PARP9: variants seen among roughly 807,000 people sequenced by gnomAD.
The protein encoded by PARP9 is protein mono-ADP-ribosyltransferase PARP9.
In PARP9, 48 loss-of-function variants were observed where a neutral mutation model predicts 68.8. That is an observed-to-expected ratio of 0.70 (90% CI 0.55 to 0.89). The LOEUF is 0.89. PARP9 is among the 40% of genes least tolerant of loss of function. The pLI, the probability that PARP9 is intolerant of heterozygous loss-of-function variation, is 0.00. For missense variants in PARP9, 806 were observed against 969.3 expected (o/e 0.83, Z 2.24); for synonymous variants, 309 against 333.8 (o/e 0.93, Z 0.81).
In PARP9 at chr3:122,540,857, A is replaced by G; in HGVS notation, c.1385-5T>C. 6.2e-7 allele frequency: 1 copy of G among 1,604,250 alleles called. No homozygotes were observed. The highest frequency in any genetic ancestry group is 8.5e-7 in the Non-Finnish European group (1 of 1,176,418). On this transcript the variant is annotated splice_polypyrimidine_tract_variant and splice_region_variant and intron_variant, in intron 7 of 10. Coordinates refer to ENST00000682323, the MANE Select transcript of PARP9 (RefSeq NM_001146105.2). ...CCTCTCTGGTTGACTGGGGGACTGA[A>G]ATGACTATAATAAGCAACCATGGAA...
At chr3:122,546,969 T>TATAA (rs2078752006) in intron 6 of PARP9, among the ~76,000 whole-genome samples, 4 of 12,370 alleles carry the variant, frequency 3.2e-4, no homozygotes, top group Admixed American at 7.8e-4. Flanking sequence ...TACATGGCAC[T>TATAA]ATATATATAT....
Position 122,540,453 on chromosome 3 carries a change from T to A in PARP9, c.1765+19A>T, listed in dbSNP as rs372876337. ...CAATGGGGAGAATTTACTTTCTAAT[T>A]TGATAGAAAGTTACTCACCTAACGA... On this transcript the variant is annotated intron_variant, in intron 8 of 10. Coordinates refer to ENST00000682323, the MANE Select transcript of PARP9 (RefSeq NM_001146105.2). 1.9e-6 allele frequency: 3 copies of A among 1,605,384 alleles called. No individual in the cohort carries two copies. In the African/African-American group the frequency reaches 4.0e-5, roughly 22 times the overall value.
intron 10 of PARP9, among the ~76,000 whole-genome samples, chr3:122,530,176 CAAAAAAAAAAA>C (rs11295677): frequency 1.2e-5 from 1 of 82,304 alleles, no homozygotes; most frequent in African/African-American, 4.9e-5. Context: ...GGCCCTGTCT[CAAAAAAAAAAA>C]AAAAAAAAAA....
intron 10 of PARP9, chr3:122,534,469 T>C (rs1250347509): frequency 1.0e-6 from 1 of 979,288 alleles, no homozygotes; most frequent in Non-Finnish European, 1.2e-6. Flanking sequence ...CCAGTGGCTG[T>C]TGTGTGTTTT....
At chr3:122,546,065 C>T (rs372272816) in intron 6 of PARP9, 25 of 152,312 alleles carry the variant, frequency 1.6e-4, no homozygotes, top group African/African-American at 6.0e-4. Flanking sequence ...GATCCATTAA[C>T]ATAATGTCTA....
At chr3:122,529,201 G>T (rs916585242) in intron 10 of PARP9, among the ~76,000 whole-genome samples, 1 of 133,316 alleles carries the variant, frequency 7.5e-6, no homozygotes, top group Non-Finnish European at 1.5e-5. Context: ...TCGCACCACT[G>T]CACTCCAACC....
rs143056938 is a variant in PARP9, at chr3:122,528,169, C to T, written c.*195G>A. The T allele has an allele frequency of 1.6e-3, 942 of 584,778 alleles. 8 individuals carry two copies. In the African/African-American group the frequency reaches 0.016, roughly 10 times the overall value. The allele number at this position is 584,778 out of a possible 1,614,324, so 36.2% of individuals were successfully genotyped here. On this transcript the variant is annotated 3_prime_UTR_variant, in exon 11 of 11. Transcript: ENST00000682323. ...TGAAAGTGTTTCATTTGGTATCTAC[C>T]TACCCCAACCCCAAGACATAAAGAC...
At chr3:122,544,439 A>T (rs1256586689) in intron 7 of PARP9, among the ~76,000 whole-genome samples, 1 of 152,210 alleles carries the variant, frequency 6.6e-6, no homozygotes, top group East Asian at 1.9e-4. Context: ...GGATCATAAA[A>T]GGCACAGTTC....
At chr3:122,539,563 C>CTTTCTTTCTTTCTTTCTTTTCTTTTCT in intron 8 of PARP9, among the ~76,000 whole-genome samples, 1 of 80,602 alleles carries the variant, frequency 1.2e-5, no homozygotes, top group East Asian at 4.5e-4. Flanking sequence ...TTCTTTCTTT[C>CTTTCTTTCTTTCTTTCTTTTCTTTTCT]TTTCTTTTTT....
chr3:122,531,069 T>C (rs1481276931), intron 10 of PARP9, among the ~76,000 whole-genome samples: 1 of 152,242 alleles, frequency 6.6e-6, no homozygotes, highest in Non-Finnish European at 1.5e-5. Flanking sequence ...TATTAGATAT[T>C]TTACATTCTT....
intron 7 of PARP9, among the ~76,000 whole-genome samples, chr3:122,541,228 T>C (rs1473485008): frequency 6.6e-6 from 1 of 152,184 alleles, no homozygotes; most frequent in East Asian, 1.9e-4. Flanking sequence ...CAAAACACCA[T>C]GGCCAGTGTT....
intron 7 of PARP9, among the ~76,000 whole-genome samples, chr3:122,545,183 T>C (rs1287576990): frequency 1.3e-5 from 2 of 152,218 alleles, no homozygotes; most frequent in Admixed American, 6.5e-5. Flanking sequence ...TATCTATTTA[T>C]GAATCAACCA....
Position 122,540,363 on chromosome 3 carries a change from C to T in PARP9, c.1765+109G>A, listed in dbSNP as rs145209766. ...CTAACAAAGAACCAGAATGTTTGAT[C>T]CCTCCTCTCTCCTTCTGTCTCTTAC... On this transcript the variant is annotated intron_variant, in intron 8 of 10. Transcript: ENST00000682323. The T allele has an allele frequency of 5.3e-3, 7,059 of 1,326,470 alleles. 51 individuals carry two copies. The highest frequency in any genetic ancestry group is 5.3e-3 in the Non-Finnish European group (5,193 of 984,238). The allele number at this position is 1,326,470 out of a possible 1,614,324, so 82.2% of individuals were successfully genotyped here.
intron 10 of PARP9, chr3:122,535,843 CAAA>C (rs10716375): frequency 0.032 from 29,394 of 926,422 alleles, 46 homozygotes; most frequent in African/African-American, 0.08. Context: ...ATAAGTAAGG[CAAA>C]AAAAAAAAAA....
intron 4 of PARP9, 31 bp downstream of exon 4, chr3:122,555,255 C>A (rs1184534705): frequency 6.4e-7 from 1 of 1,554,498 alleles, no homozygotes; most frequent in Admixed American, 1.9e-5. Context: ...ATCACCTGTG[C>A]CAGTGCAAGA....
intron 10 of PARP9, among the ~76,000 whole-genome samples, chr3:122,530,323 G>T (rs1385830725): frequency 6.6e-6 from 1 of 152,126 alleles, no homozygotes; most frequent in Non-Finnish European, 1.5e-5. Context: ...CACCAGGAGG[G>T]TATTGTGTAC....
intron 10 of PARP9, chr3:122,532,900 T>C (rs536309829): frequency 6.6e-6 from 1 of 152,290 alleles, no homozygotes; most frequent in South Asian, 2.1e-4. Flanking sequence ...AGGAACATAG[T>C]GGGTGATGAC....
chr3:122,545,674 G>A (rs1242614981), intron 6 of PARP9, 185 bp from the exon 7 acceptor site: 13 of 579,522 alleles, frequency 2.2e-5, no homozygotes, highest in Middle Eastern at 4.2e-4. Flanking sequence ...ATTAGAACAC[G>A]GAAAGAATAA....
chr3:122,549,197 G>A (rs1345182867), intron 6 of PARP9, among the ~76,000 whole-genome samples: 1 of 151,890 alleles, frequency 6.6e-6, no homozygotes, highest in Non-Finnish European at 1.5e-5. Context: ...TGTATTTTTA[G>A]TAGAAACGGG....
Sources: allele counts gnomAD v4.1 joint callset (sites outside exome capture counted in the v4.1 genomes callset), GRCh38; gene constraint gnomAD v4.1.1; transcripts MANE v1.5; gene names NCBI Gene and HGNC (gene_info 2026-07-23, HGNC 2026-07-21).